The following SIMC1 variants were observed in gnomAD, a reference collection of about 807,000 sequenced individuals.
SIMC1 encodes SUMO interacting motifs containing 1, also known as SUMO-interacting motif-containing protein 1.
In SIMC1, 55 loss-of-function variants were observed where a neutral mutation model predicts 82.3. The ratio of observed to expected loss-of-function variants is 0.67; its 90% CI spans 0.54 to 0.84. The LOEUF (loss-of-function observed/expected upper bound fraction) is 0.84, where lower values mean the gene tolerates loss of function less well. Among genes scored for constraint, SIMC1 ranks in the 40% least tolerant of loss-of-function variants. The pLI is 0.00. For missense variants in SIMC1, 915 were observed against 1,107.2 expected (o/e 0.83, Z 2.46); for synonymous variants, 353 against 426.3 (o/e 0.83, Z 2.12).
intron 1 of SIMC1, among the ~76,000 whole-genome samples, chr5:176,284,088 AC>A (rs911953281): frequency 5.9e-5 from 9 of 152,116 alleles, no homozygotes; most frequent in African/African-American, 1.9e-4. Flanking sequence ...AGACTTTAAC[AC>A]CCCACTGTCA....
intron 1 of SIMC1, among the ~76,000 whole-genome samples, chr5:176,267,729 TTC>T (rs1266191650): frequency 9.8e-6 from 1 of 102,034 alleles, no homozygotes; most frequent in Non-Finnish European, 1.9e-5. Flanking sequence ...TTTCTTTTCT[TTC>T]TGTTTTTTTT....
chr5:176,296,445 T>G, intron 4 of SIMC1, 125 bp downstream of exon 4: 1 of 1,510,688 alleles, frequency 6.6e-7, no homozygotes, highest in Non-Finnish European at 9.0e-7. Context: ...AGGAGGACAG[T>G]TTGAGCCCAG....
intron 1 of SIMC1, among the ~76,000 whole-genome samples, chr5:176,259,570 C>T (rs1478828603): frequency 1.3e-5 from 2 of 152,194 alleles, no homozygotes; most frequent in Non-Finnish European, 2.9e-5. Flanking sequence ...GTCAGGAGTT[C>T]GAGACCAGCC....
chr5:176,336,013 C>A (rs1414040728), intron 7 of SIMC1, among the ~76,000 whole-genome samples: 1 of 148,844 alleles, frequency 6.7e-6, no homozygotes, highest in African/African-American at 2.5e-5. Context: ...CACTGCACTC[C>A]AGCCTGGATG....
chr5:176,264,966 C>T (rs546019417), intron 1 of SIMC1, among the ~76,000 whole-genome samples: 5 of 151,950 alleles, frequency 3.3e-5, no homozygotes, highest in Non-Finnish European at 7.4e-5. Flanking sequence ...CCCAGGAGTT[C>T]AAGACCAGCC....
intron 1 of SIMC1, among the ~76,000 whole-genome samples, chr5:176,283,084 A>T (rs1276722769): frequency 6.6e-6 from 1 of 152,250 alleles, no homozygotes; most frequent in Non-Finnish European, 1.5e-5. Context: ...AATGGAACCA[A>T]GTTGGAAAAC....
intron 7 of SIMC1, among the ~76,000 whole-genome samples, chr5:176,328,908 T>C (rs1235728059): frequency 6.6e-6 from 1 of 152,154 alleles, no homozygotes; most frequent in Non-Finnish European, 1.5e-5. Flanking sequence ...GTAACTTTTT[T>C]TTAACCTTTT....
At chr5:176,302,928 A>G (rs977238888) in intron 4 of SIMC1, among the ~76,000 whole-genome samples, 9 of 152,226 alleles carry the variant, frequency 5.9e-5, no homozygotes, top group African/African-American at 1.7e-4. Flanking sequence ...AAGGCTTCCT[A>G]TATTCATGGA....
At chr5:176,336,906 T>G (rs1252720034) in intron 8 of SIMC1, 30 bp downstream of exon 8, 2 of 1,613,046 alleles carry the variant, frequency 1.2e-6, no homozygotes, top group African/African-American at 2.7e-5. Context: ...ATTTCAGGCC[T>G]AGAGCACCTC....
intron 4 of SIMC1, among the ~76,000 whole-genome samples, chr5:176,300,257 G>C (rs541006932): frequency 1.4e-4 from 22 of 152,256 alleles, no homozygotes; most frequent in African/African-American, 4.1e-4. Context: ...GTAAAGATTA[G>C]AGCAGAGATA....
At chr5:176,242,538 G>C (rs979523187) in intron 1 of SIMC1, among the ~76,000 whole-genome samples, 1 of 151,766 alleles carries the variant, frequency 6.6e-6, no homozygotes, top group African/African-American at 2.4e-5. Flanking sequence ...TCATCTGTGA[G>C]TTTTCCAAAT....
intron 1 of SIMC1, among the ~76,000 whole-genome samples, chr5:176,271,450 G>A (rs1762424061): frequency 6.6e-6 from 1 of 152,130 alleles, no homozygotes; most frequent in Non-Finnish European, 1.5e-5. Context: ...TCCAGAACTG[G>A]ACGACATTCT....
At chr5:176,245,322 C>G (rs1323698333) in intron 1 of SIMC1, among the ~76,000 whole-genome samples, 1 of 152,066 alleles carries the variant, frequency 6.6e-6, no homozygotes, top group Non-Finnish European at 1.5e-5. Flanking sequence ...CAAGGAACAC[C>G]GAGGACTGCT....
intron 1 of SIMC1, among the ~76,000 whole-genome samples, chr5:176,247,547 A>G (rs905840865): frequency 4.0e-5 from 6 of 151,830 alleles, no homozygotes; most frequent in African/African-American, 1.5e-4. Context: ...ATTTTCTCCC[A>G]TTCTGTAGGT....
At chr5:176,313,654 G>T (rs368580789) in intron 4 of SIMC1, 37 bp from the exon 5 acceptor site, 40 of 1,609,814 alleles carry the variant, frequency 2.5e-5, no homozygotes, top group Non-Finnish European at 2.8e-5. Context: ...CCAAGAGACT[G>T]AGAAGAAAGA....
At position 176,290,899 on chromosome 5, in the gene SIMC1, C is replaced by G. The variant is rs1222710653; in HGVS notation, c.1375C>G (p.Pro459Ala). The change falls in exon 2 of 10, where the codon CCT (proline) becomes GCT (alanine). Residue 459 changes from proline to alanine, a missense_variant. Physicochemically the swap from Pro to Ala is conservative, Grantham distance 27. Around this residue, in one of 2 missense-constraint regions of SIMC1, gnomAD observed 902 missense variants for 1,040.3 expected, o/e 0.87. Coordinates refer to ENST00000429602, the MANE Select transcript of SIMC1 (RefSeq NM_001308195.2). ...CLHRLKYFLR[P>A]PVHHLFFQTL... ...GCATAGACTGAAGTACTTCTTACGT[C>G]CTCCGGTTCATCACCTCTTCTTTCA... The G allele has an allele frequency of 1.2e-6, 2 of 1,611,520 alleles. No individual in the cohort carries two copies. The highest frequency in any genetic ancestry group is 8.5e-7 in the Non-Finnish European group (1 of 1,178,378).
chr5:176,324,879 A>G, intron 7 of SIMC1, 122 bp downstream of exon 7: 1 of 1,182,876 alleles, frequency 8.5e-7, no homozygotes, highest in Non-Finnish European at 1.2e-6. Flanking sequence ...AGAATTTTAC[A>G]AGAGAAAATT....
chr5:176,250,687 G>A (rs181301441), intron 1 of SIMC1, among the ~76,000 whole-genome samples: 1 of 152,284 alleles, frequency 6.6e-6, no homozygotes, highest in East Asian at 1.9e-4. Context: ...AGCGCTTCTT[G>A]TTGCATTAAT....
intron 1 of SIMC1, among the ~76,000 whole-genome samples, chr5:176,275,100 A>G (rs1762626412): frequency 6.6e-6 from 1 of 151,480 alleles, no homozygotes; most frequent in East Asian, 1.9e-4. Context: ...GATTCTTCCT[A>G]CCCATGAGCA....
Sources: allele counts gnomAD v4.1 joint callset (sites outside exome capture counted in the v4.1 genomes callset), GRCh38; gene constraint gnomAD v4.1.1; regional missense constraint gnomAD v4.1.1; transcripts MANE v1.5; gene names NCBI Gene and HGNC (gene_info 2026-07-23, HGNC 2026-07-21).